The following TCFL5 variants were observed in gnomAD, a reference collection of about 807,000 sequenced individuals.
TCFL5 encodes the protein transcription factor-like 5 protein.
A neutral mutation model predicts 44.3 loss-of-function variants in TCFL5; 9 were observed. The observed-to-expected ratio is 0.20, with a 90% CI of 0.12 to 0.35. The LOEUF is 0.35. Among genes scored for constraint, TCFL5 ranks in the 10% least tolerant of loss-of-function variants. The pLI, the probability that TCFL5 is intolerant of heterozygous loss-of-function variation, is 1.00. For synonymous variants in TCFL5, 319 were observed against 271.6 expected (o/e 1.17, Z -1.72); for missense variants, 603 against 613.4 (o/e 0.98, Z 0.18).
intron 5 of TCFL5, among the ~76,000 whole-genome samples, chr20:62,843,815 T>C (rs1416707878): frequency 1.3e-5 from 2 of 152,210 alleles, no homozygotes; most frequent in East Asian, 1.9e-4. Context: ...CTGACGGCTC[T>C]AGGTGCCTTG....
intron 4 of TCFL5, among the ~76,000 whole-genome samples, chr20:62,856,523 T>G (rs1023286339): frequency 6.6e-6 from 1 of 151,604 alleles, no homozygotes; most frequent in Admixed American, 6.6e-5. Context: ...GCTAACATGC[T>G]GAAACCCCGT....
At chr20:62,851,674 C>A (rs1332201541) in intron 5 of TCFL5, 1 of 985,250 alleles carries the variant, frequency 1.0e-6, no homozygotes, top group African/African-American at 1.7e-5. Context: ...TTATGCAACT[C>A]GCAAGATGTA....
chr20:62,859,696 T>C (rs537123943), intron 2 of TCFL5, among the ~76,000 whole-genome samples, 170 bp from the exon 3 acceptor site: 1 of 151,648 alleles, frequency 6.6e-6, no homozygotes, highest in South Asian at 2.1e-4. Context: ...ACACTCAACT[T>C]TCACAGGTAT....
In TCFL5 at chr20:62,861,341, G is replaced by T; in HGVS notation, c.330C>A (p.Cys110Ter). The T allele has an allele frequency of 8.9e-7, 1 of 1,124,446 alleles. No individual in the cohort carries two copies. The highest frequency in any genetic ancestry group is 6.8e-5 in the East Asian group (1 of 14,696). The allele number at this position is 1,124,446 out of a possible 1,614,324, so 69.7% of individuals were successfully genotyped here. A position where few individuals can be genotyped will look rare whatever the true frequency, so the allele number is the denominator to read the frequency against. ...GGAAPVYPVL[C>*]PSALAADAPC... ...GCGCGTCGGCCGCCAGCGCGGACGG[G>T]CACAGCACGGGGTACACGGGCGCCG... The change falls in exon 1 of 6, where the codon TGC becomes TGA. Residue 110 changes from cysteine to a stop codon, truncating the protein, a stop_gained. Transcript: ENST00000335351. LOFTEE classifies it high-confidence loss of function. This position sits in a 1 kb window ranked among gnomAD's most constrained non-coding sequence, Gnocchi z 4.0.
At chr20:62,860,458 G>T in intron 1 of TCFL5, 150 bp from the exon 2 acceptor site, 1 of 693,210 alleles carries the variant, frequency 1.4e-6, no homozygotes, top group Non-Finnish European at 2.4e-6. Flanking sequence ...AACTATCGCT[G>T]CTGTGGAAGT....
rs1777423079 is a variant in TCFL5 at position 62,842,275 on chromosome 20, T to C, written c.1381-178A>G. 7.2e-6 allele frequency among the ~76,000 whole-genome samples: 1 copy of C among 139,256 alleles called. No individual in the cohort carries two copies. Among genetic ancestry groups the C allele is most frequent in the African/African-American group, 2.8e-5 (1 of 36,270 alleles). 91.4% of individuals were successfully genotyped at this position (139,256 alleles called of 152,430 possible). A position where few individuals can be genotyped will look rare whatever the true frequency, so the allele number is the denominator to read the frequency against. ...AAGGGGATTTATATAATAAACAGATTTTAACTTTTTTTTTTTCAAATAGCA... is the reference window on the plus strand; with the variant it reads ...AAGGGGATTTATATAATAAACAGATCTTAACTTTTTTTTTTTCAAATAGCA... On this transcript the variant is annotated intron_variant, in intron 5 of 5. Transcript: ENST00000335351. This position sits in a 1 kb window ranked among gnomAD's most constrained non-coding sequence, Gnocchi z 4.3.
intron 3 of TCFL5, among the ~76,000 whole-genome samples, chr20:62,858,560 T>C (rs1373968719): frequency 6.6e-6 from 1 of 152,236 alleles, no homozygotes; most frequent in Non-Finnish European, 1.5e-5. Flanking sequence ...CACCAACTCT[T>C]GGAAAGCTAA....
rs368436961 is a variant in TCFL5 at position 62,861,455 on chromosome 20, C to T, written c.216G>A (p.Glu72=). ...GCGCCGAGTTGAGGCGCGTCTCGAGCTCGCCGTCAGCCGCCGCCTCCATGT... is the reference window on the plus strand; with the variant it reads ...GCGCCGAGTTGAGGCGCGTCTCGAGTTCGCCGTCAGCCGCCGCCTCCATGT... The part of the protein sequence containing the change: ...CSHMEAAADG[E]LETRLNSALL... Residue 72 remains glutamate (E), a synonymous_variant, in exon 1 of 6, where the codon GAG becomes GAA. Transcript: ENST00000335351. The surrounding 1 kb of genome is among the most constrained non-coding windows in gnomAD (Gnocchi z 4.0). The T allele has an allele frequency of 3.6e-5, 43 of 1,180,718 alleles. No homozygotes were observed. Among genetic ancestry groups the T allele is most frequent in the Non-Finnish European group, 4.6e-5 (43 of 942,544 alleles). 73.1% of individuals were successfully genotyped at this position (1,180,718 alleles called of 1,614,324 possible). A position where few individuals can be genotyped will look rare whatever the true frequency, so the allele number is the denominator to read the frequency against.
At position 62,842,141 on chromosome 20, in the gene TCFL5, T is replaced by C; in HGVS notation, c.1381-44A>G. On this transcript the variant is annotated intron_variant, in intron 5 of 5. Coordinates refer to ENST00000335351, the MANE Select transcript of TCFL5 (RefSeq NM_006602.4). The surrounding 1 kb of genome is among the most constrained non-coding windows in gnomAD (Gnocchi z 4.3). ...GGTTAACATACTGAATTAACTGACA[T>C]GAAAACTGCTGTCTTCCAAAGTGCA... 2 of 1,610,816 alleles carry C rather than the reference T, an allele frequency of 1.2e-6. No homozygotes were observed. Among genetic ancestry groups the C allele is most frequent in the Non-Finnish European group, 1.7e-6 (2 of 1,178,042 alleles).
intron 4 of TCFL5, among the ~76,000 whole-genome samples, chr20:62,856,981 CT>C (rs1408397816): frequency 6.6e-6 from 1 of 152,222 alleles, no homozygotes; most frequent in Non-Finnish European, 1.5e-5. Flanking sequence ...TGACACGCCC[CT>C]GGTCTCTAGC....
chr20:62,861,149 C>T lies in TCFL5; in HGVS notation c.522G>A (p.Ala174=). 1 of 1,005,892 alleles carries T rather than the reference C, an allele frequency of 9.9e-7. No homozygotes were observed. Among genetic ancestry groups the T allele is most frequent in the Non-Finnish European group, 1.2e-6 (1 of 845,812 alleles). The allele number at this position is 1,005,892 out of a possible 1,614,324, so 62.3% of individuals were successfully genotyped here. Reference sequence around the variant, plus strand: ...CGGCCGGCTTGGCCCGGGCCTCGGGCGCGCCGTCGGGTCCAGCCGCAGCCG... The same window carrying T: ...CGGCCGGCTTGGCCCGGGCCTCGGGTGCGCCGTCGGGTCCAGCCGCAGCCG... ...AAAAAAGPDG[A]PEARAKPAVR... Residue 174 remains alanine, a synonymous_variant, in exon 1 of 6, where the codon GCG becomes GCA. Transcript: ENST00000335351. The surrounding 1 kb of genome is among the most constrained non-coding windows in gnomAD (Gnocchi z 4.0).
chr20:62,850,627 C>G (rs2063796334), intron 5 of TCFL5, among the ~76,000 whole-genome samples: 1 of 152,160 alleles, frequency 6.6e-6, no homozygotes, highest in Non-Finnish European at 1.5e-5. Context: ...AGCTCCTACT[C>G]CCTAGCATCC....
At chr20:62,854,302 A>C in intron 4 of TCFL5, 145 bp from the exon 5 acceptor site, 1 of 1,069,132 alleles carries the variant, frequency 9.4e-7, no homozygotes, top group South Asian at 1.6e-5. Context: ...CACCACAGGA[A>C]GCCCCACGGC....
chr20:62,846,926 T>G (rs557582917), intron 5 of TCFL5, among the ~76,000 whole-genome samples: 2 of 152,262 alleles, frequency 1.3e-5, no homozygotes, highest in African/African-American at 4.8e-5. Flanking sequence ...GGCTCACACC[T>G]GTAATCGCAG....
chr20:62,842,128 G>T lies in TCFL5; in HGVS notation c.1381-31C>A. 2 of 1,612,432 alleles carry T rather than the reference G, an allele frequency of 1.2e-6. No individual in the cohort carries two copies. Among genetic ancestry groups the T allele is most frequent in the South Asian group, 2.2e-5 (2 of 90,868 alleles). ...GTGAAGAAGTGACGGTTAACATACT[G>T]AATTAACTGACATGAAAACTGCTGT... On this transcript the variant is annotated intron_variant, in intron 5 of 5. Coordinates refer to ENST00000335351, the MANE Select transcript of TCFL5 (RefSeq NM_006602.4). The surrounding 1 kb of genome is among the most constrained non-coding windows in gnomAD (Gnocchi z 4.3).
chr20:62,846,273 G>A (rs375916864), intron 5 of TCFL5, among the ~76,000 whole-genome samples: 13 of 152,212 alleles, frequency 8.5e-5, no homozygotes, highest in African/African-American at 9.6e-5. Context: ...TAGTCCCGGC[G>A]TCTGCCTTCA....
chr20:62,841,417 C>G lies in TCFL5; in HGVS notation c.*558G>C, dbSNP rs1169450268. The G allele has an allele frequency of 6.5e-6, 1 of 153,370 alleles. No individual in the cohort carries two copies. Among genetic ancestry groups the G allele is most frequent in the Non-Finnish European group, 1.5e-5 (1 of 68,958 alleles). 9.5% of individuals were successfully genotyped at this position (153,370 alleles called of 1,614,324 possible). ...TTTGTGGACAAAAGTAGCTTTAAAG[C>G]AAGTATCTGGAAAATTTTTAGCACA... On this transcript the variant is annotated 3_prime_UTR_variant, in exon 6 of 6. Transcript: ENST00000335351.
intron 5 of TCFL5, chr20:62,852,748 G>A (rs1016609620): frequency 4.5e-5 from 58 of 1,283,384 alleles, no homozygotes; most frequent in Non-Finnish European, 5.6e-5. Flanking sequence ...ATAGTCACCT[G>A]GTCCGCAGAA....
intron 5 of TCFL5, among the ~76,000 whole-genome samples, chr20:62,843,739 C>CT (rs1210726559): frequency 3.3e-5 from 5 of 152,242 alleles, no homozygotes; most frequent in Non-Finnish European, 7.3e-5. Flanking sequence ...CCATTAAACA[C>CT]TAACTCCACA....
Sources: allele counts gnomAD v4.1 joint callset (sites outside exome capture counted in the v4.1 genomes callset), GRCh38; gene constraint gnomAD v4.1.1; non-coding constraint Gnocchi (gnomAD v3.1); transcripts MANE v1.5; gene names NCBI Gene and HGNC (gene_info 2026-07-23, HGNC 2026-07-21).